The following RRAS2 variants were observed in gnomAD, a reference collection of about 807,000 sequenced individuals.
RRAS2 encodes the protein RAS related 2.
RRAS2 carries 7 observed loss-of-function variants against 27.6 expected under a neutral mutation model. That is an observed-to-expected ratio of 0.25 (90% CI 0.14 to 0.48). The LOEUF (loss-of-function observed/expected upper bound fraction) is 0.48. Among genes scored for constraint, RRAS2 ranks in the 20% least tolerant of loss-of-function variants. The pLI, the probability that RRAS2 is intolerant of heterozygous loss-of-function variation, is 0.99. For missense variants in RRAS2, 178 were observed against 256.2 expected (o/e 0.69, Z 2.08); for synonymous variants, 86 against 90.9 (o/e 0.95, Z 0.31).
chr11:14,330,962 G>A (rs1033556068), intron 1 of RRAS2, among the ~76,000 whole-genome samples: 4 of 152,124 alleles, frequency 2.6e-5, no homozygotes, highest in Admixed American at 6.5e-5. Context: ...TGTTGCTCAG[G>A]GTGGTGTGCA....
chr11:14,360,069 C>T (rs1395710784), upstream of RRAS2, among the ~76,000 whole-genome samples: 1 of 152,050 alleles, frequency 6.6e-6, no homozygotes, highest in African/African-American at 2.4e-5. Context: ...CAGCTGTTCT[C>T]TTGGTATTCT....
chr11:14,307,895 A>G (rs1554948331), intron 1 of RRAS2, among the ~76,000 whole-genome samples: 2 of 152,164 alleles, frequency 1.3e-5, no homozygotes, highest in African/African-American at 4.8e-5. Context: ...AGCAATTTCA[A>G]TTCCAGAAAC....
chr11:14,285,051 T>C (rs1378047767), intron 4 of RRAS2, among the ~76,000 whole-genome samples: 5 of 152,316 alleles, frequency 3.3e-5, no homozygotes, highest in Middle Eastern at 3.4e-3. Context: ...ATCCATATTA[T>C]CTATTCTTTG....
chr11:14,363,343 A>T (rs774814334), upstream of RRAS2, among the ~76,000 whole-genome samples: 9 of 152,146 alleles, frequency 5.9e-5, no homozygotes, highest in East Asian at 9.6e-4. Context: ...TTATTTATTT[A>T]TTTTTTTCCT....
At chr11:14,347,677 A>T (rs946964205) in intron 1 of RRAS2, among the ~76,000 whole-genome samples, 7 of 152,012 alleles carry the variant, frequency 4.6e-5, no homozygotes, top group Admixed American at 4.6e-4. Flanking sequence ...AAACTTAGGT[A>T]CAGTGGCTCA....
intron 1 of RRAS2, chr11:14,308,135 C>A: frequency 3.6e-6 from 1 of 280,600 alleles, no homozygotes; most frequent in Non-Finnish European, 7.1e-6. Flanking sequence ...GTTAAATACC[C>A]ACAGTTTATG....
intron 4 of RRAS2, among the ~76,000 whole-genome samples, chr11:14,290,521 CA>C: frequency 6.6e-6 from 1 of 152,156 alleles, no homozygotes; most frequent in Non-Finnish European, 1.5e-5. Flanking sequence ...ATTTCAATAG[CA>C]TGCCCCCTAA....
chr11:14,302,109 C>CACACACACACACA (rs1415452446), intron 1 of RRAS2, among the ~76,000 whole-genome samples: 1 of 138,908 alleles, frequency 7.2e-6, no homozygotes, highest in Non-Finnish European at 1.6e-5. Flanking sequence ...CACACACACA[C>CACACACACACACA]ACCAAAAACC....
At chr11:14,339,301 G>A (rs1288510974) in intron 1 of RRAS2, among the ~76,000 whole-genome samples, 2 of 128,296 alleles carry the variant, frequency 1.6e-5, no homozygotes, top group Admixed American at 7.9e-5. Flanking sequence ...AAAGGGGGGG[G>A]GGGGAAGAAA....
Position 14,354,647 on chromosome 11 carries a change from A to T in RRAS2, c.108+4116T>A, listed in dbSNP as rs1211484162. On this transcript the variant is annotated intron_variant, in intron 1 of 5. Coordinates refer to ENST00000256196, the MANE Select transcript of RRAS2 (RefSeq NM_012250.6). ...AACACCAAGATACAGAACTAACAGC[A>T]GCAAATAAAACCAAGTAACAATTTC... 4.0e-5 allele frequency: 6 copies of T among 150,234 alleles called. No homozygotes were observed. In the East Asian group the frequency reaches 1.2e-3, roughly 30 times the overall value. The allele number at this position is 150,234 out of a possible 1,614,324, so 9.3% of individuals were successfully genotyped here. A position where few individuals can be genotyped will look rare whatever the true frequency, so the allele number is the denominator to read the frequency against.
chr11:14,329,550 C>T (rs2134008722), intron 1 of RRAS2, among the ~76,000 whole-genome samples: 1 of 152,228 alleles, frequency 6.6e-6, no homozygotes, highest in African/African-American at 2.4e-5. Flanking sequence ...ATTTTCTTTC[C>T]TAAAGAGGGT....
intron 1 of RRAS2, among the ~76,000 whole-genome samples, chr11:14,330,236 A>G (rs995291562): frequency 8.5e-5 from 13 of 152,260 alleles, no homozygotes; most frequent in Non-Finnish European, 1.0e-4. Flanking sequence ...TAATTTAAGG[A>G]AAAATACAAG....
intron 1 of RRAS2, among the ~76,000 whole-genome samples, chr11:14,354,009 G>C (rs1378819472): frequency 2.0e-5 from 3 of 152,214 alleles, no homozygotes; most frequent in Non-Finnish European, 2.9e-5. Flanking sequence ...AACAGTTTAA[G>C]TAGTTTCTAA....
chr11:14,325,588 C>T (rs1438926633), intron 1 of RRAS2, among the ~76,000 whole-genome samples: 4 of 152,124 alleles, frequency 2.6e-5, no homozygotes, highest in South Asian at 2.1e-4. Context: ...CGTGAGCCAC[C>T]GTGCCCGGCT....
chr11:14,347,311 TATTGTA>T (rs1274719878), intron 1 of RRAS2, among the ~76,000 whole-genome samples: 2 of 152,214 alleles, frequency 1.3e-5, no homozygotes, highest in African/African-American at 2.4e-5. Context: ...GGGTATTAAC[TATTGTA>T]ATTGTAATAA....
chr11:14,282,696 C>T (rs551003103), intron 4 of RRAS2, among the ~76,000 whole-genome samples: 88 of 151,738 alleles, frequency 5.8e-4, no homozygotes, highest in African/African-American at 2.1e-3. Context: ...AACCTATCAA[C>T]CATAGAGAAT....
chr11:14,327,912 G>A (rs921400151), intron 1 of RRAS2, among the ~76,000 whole-genome samples: 3 of 152,046 alleles, frequency 2.0e-5, no homozygotes, highest in African/African-American at 7.2e-5. Context: ...GTCAAACATA[G>A]GAAAGCATGG....
chr11:14,341,503 C>G (rs548220722), intron 1 of RRAS2, among the ~76,000 whole-genome samples: 9 of 151,846 alleles, frequency 5.9e-5, no homozygotes, highest in Admixed American at 2.6e-4. Flanking sequence ...CACACATTCA[C>G]GTACAAGTTT....
At chr11:14,332,040 A>AC (rs1205158238) in intron 1 of RRAS2, among the ~76,000 whole-genome samples, 1 of 152,194 alleles carries the variant, frequency 6.6e-6, no homozygotes, top group African/African-American at 2.4e-5. Context: ...ATCGGTAAAG[A>AC]CCCAGAGTAA....
Sources: allele counts gnomAD v4.1 joint callset (sites outside exome capture counted in the v4.1 genomes callset), GRCh38; gene constraint gnomAD v4.1.1; transcripts MANE v1.5; gene names NCBI Gene and HGNC (gene_info 2026-07-23, HGNC 2026-07-21).